The following TMX3 variants were observed in gnomAD, a reference collection of about 807,000 sequenced individuals.
TMX3 encodes thioredoxin related transmembrane protein 3.
In TMX3, 40 loss-of-function variants were observed where a neutral mutation model predicts 64.4. That is an observed-to-expected ratio of 0.62 (90% CI 0.48 to 0.81). TMX3 has a LOEUF of 0.81. TMX3 is among the 30% of genes least tolerant of loss of function. TMX3 has a pLI of 0.00. For missense variants in TMX3, 497 were observed against 534.5 expected (o/e 0.93, Z 0.69); for synonymous variants, 189 against 175.7 (o/e 1.08, Z -0.60).
chr18:68,687,829 T>A (rs534049729), intron 9 of TMX3, 64 bp from the exon 10 acceptor site: 1 of 1,281,822 alleles, frequency 7.8e-7, no homozygotes, highest in African/African-American at 1.5e-5. Context: ...TATAATAGCT[T>A]TAATCTGATA....
chr18:68,709,934 A>G lies in TMX3; in HGVS notation c.265+87T>C, dbSNP rs77518690. The stretch of plus-strand genomic sequence containing the variant: ...TTAATTGAATTTTACATGAGCAAAA[A>G]AAAGTCTTCCTCCCACCCTGAATAC... On this transcript the variant is annotated intron_variant, in intron 4 of 15. Coordinates refer to ENST00000299608, the MANE Select transcript of TMX3 (RefSeq NM_019022.5). 35,626 of 1,329,106 alleles carry G rather than the reference A, an allele frequency of 0.027. 3,329 individuals carry two copies. The African/African-American group carries it at 0.3, about 11-fold the overall frequency. The allele number at this position is 1,329,106 out of a possible 1,614,324, so 82.3% of individuals were successfully genotyped here. A position where few individuals can be genotyped will look rare whatever the true frequency, so the allele number is the denominator to read the frequency against.
chr18:68,705,989 T>C (rs923140855), intron 4 of TMX3, among the ~76,000 whole-genome samples: 1 of 152,252 alleles, frequency 6.6e-6, no homozygotes, highest in African/African-American at 2.4e-5. Context: ...AATAGTCTTA[T>C]CTCACCCCGG....
At chr18:68,682,111 T>C (rs981111795) in intron 13 of TMX3, among the ~76,000 whole-genome samples, 1 of 152,198 alleles carries the variant, frequency 6.6e-6, no homozygotes, top group African/African-American at 2.4e-5. Flanking sequence ...CTGTCCTACA[T>C]AGATCTTTTC....
intron 13 of TMX3, 31 bp from the exon 14 acceptor site, chr18:68,681,141 A>T: frequency 6.6e-7 from 1 of 1,507,650 alleles, no homozygotes. Context: ...CAAAATATAC[A>T]TTAAACACAG....
At chr18:68,700,116 C>A (rs956441309) in intron 6 of TMX3, among the ~76,000 whole-genome samples, 17 of 152,086 alleles carry the variant, frequency 1.1e-4, no homozygotes, top group African/African-American at 3.4e-4. Context: ...AGTTGCTACA[C>A]GTAATCGAAA....
At chr18:68,678,642 G>A (rs545788562) in intron 15 of TMX3, among the ~76,000 whole-genome samples, 8 of 152,126 alleles carry the variant, frequency 5.3e-5, no homozygotes, top group Non-Finnish European at 7.4e-5. Context: ...AGAGTGAAAG[G>A]AAGAGGAAAT....
intron 6 of TMX3, among the ~76,000 whole-genome samples, 180 bp from the exon 7 acceptor site, chr18:68,698,211 C>T (rs1915305646): frequency 6.6e-6 from 1 of 152,138 alleles, no homozygotes; most frequent in South Asian, 2.1e-4. Flanking sequence ...ACTACTATTG[C>T]ACATACATAA....
intron 2 of TMX3, among the ~76,000 whole-genome samples, chr18:68,713,175 C>A (rs887374505): frequency 1.3e-5 from 2 of 152,042 alleles, no homozygotes; most frequent in African/African-American, 4.8e-5. Flanking sequence ...GAGAAAAGGA[C>A]TAGAGTAGAA....
chr18:68,701,160 CA>C, intron 5 of TMX3: 1 of 308,818 alleles, frequency 3.2e-6, no homozygotes, highest in Non-Finnish European at 4.7e-6. Flanking sequence ...AAGGTCGACA[CA>C]AAACCCAATA....
At position 68,681,269 on chromosome 18, in the gene TMX3, G is replaced by A. The variant is rs1280384928; in HGVS notation, c.906-159C>T. The A allele has an allele frequency of 9.3e-6, 6 of 645,866 alleles. No homozygotes were observed. The African/African-American group carries it at 1.1e-4, about 12-fold the overall frequency. 40.0% of individuals were successfully genotyped at this position (645,866 alleles called of 1,614,324 possible). A position where few individuals can be genotyped will look rare whatever the true frequency, so the allele number is the denominator to read the frequency against. ...GATCAAATAGACCTAGTATTTACGT[G>A]TATTTTATGCATTCATGACATACCT... On this transcript the variant is annotated intron_variant, in intron 13 of 15. Coordinates refer to ENST00000299608, the MANE Select transcript of TMX3 (RefSeq NM_019022.5).
At chr18:68,691,013 T>C (rs2145049861) in intron 9 of TMX3, 1 of 325,244 alleles carries the variant, frequency 3.1e-6, no homozygotes, top group South Asian at 1.4e-4. Flanking sequence ...CTGAACATTT[T>C]AAAGTAATGT....
rs781178262 is a variant in TMX3 at position 68,701,602 on chromosome 18, C to T, written c.311+143G>A. ...AAAGCATAAAGAAGCAGTCCCTCTC[C>T]TTTAATTACATACTTCACCTATGAA... On this transcript the variant is annotated intron_variant, in intron 5 of 15. Coordinates refer to ENST00000299608, the MANE Select transcript of TMX3 (RefSeq NM_019022.5). 4.6e-6 allele frequency: 7 copies of T among 1,521,344 alleles called. No individual in the cohort carries two copies. In the South Asian group the frequency reaches 8.4e-5, roughly 18 times the overall value. 94.2% of individuals were successfully genotyped at this position (1,521,344 alleles called of 1,614,324 possible). A position where few individuals can be genotyped will look rare whatever the true frequency, so the allele number is the denominator to read the frequency against.
At chr18:68,693,439 C>T (rs1046131105) in intron 8 of TMX3, among the ~76,000 whole-genome samples, 1 of 152,112 alleles carries the variant, frequency 6.6e-6, no homozygotes, top group Non-Finnish European at 1.5e-5. Context: ...CCCCCACCCC[C>T]CAACCCCTGC....
chr18:68,712,255 G>A (rs2031357184), intron 2 of TMX3, among the ~76,000 whole-genome samples: 1 of 152,180 alleles, frequency 6.6e-6, no homozygotes, highest in Non-Finnish European at 1.5e-5. Context: ...GACAGAATGA[G>A]AGGCCCACCA....
chr18:68,707,203 T>G (rs2145127016), intron 4 of TMX3, among the ~76,000 whole-genome samples: 1 of 152,188 alleles, frequency 6.6e-6, no homozygotes, highest in Non-Finnish European at 1.5e-5. Context: ...ACTTTTTTTT[T>G]TTTTTCAATT....
At chr18:68,699,927 G>C (rs757024466) in intron 6 of TMX3, among the ~76,000 whole-genome samples, 1 of 152,174 alleles carries the variant, frequency 6.6e-6, no homozygotes, top group African/African-American at 2.4e-5. Context: ...GCAGGAAGCA[G>C]TATGTGATAA....
At chr18:68,681,163 A>T in intron 13 of TMX3, 53 bp from the exon 14 acceptor site, 1 of 1,380,774 alleles carries the variant, frequency 7.2e-7, no homozygotes, top group Non-Finnish European at 9.6e-7. Flanking sequence ...AATAGCAAGT[A>T]TTCTGATATT....
intron 8 of TMX3, among the ~76,000 whole-genome samples, chr18:68,693,634 A>G (rs1195621755): frequency 6.6e-6 from 1 of 152,136 alleles, no homozygotes; most frequent in Non-Finnish European, 1.5e-5. Flanking sequence ...GACTTTGGAC[A>G]TTGACAAGCG....
In TMX3 at chr18:68,713,825, AAT is replaced by A. The variant is rs907623978; in HGVS notation, c.101+19_101+20del. On this transcript the variant is annotated intron_variant, in intron 2 of 15. Transcript: ENST00000299608. ...GTTGGACAGTTAAAATAATATTTTA[AAT>A]ATATATATGTATACTCACGATTCAT... is the stretch of plus-strand genomic sequence containing the variant. 7 of 1,216,510 alleles carry A rather than the reference AAT, an allele frequency of 5.8e-6. No homozygotes were observed. The highest frequency in any genetic ancestry group is 7.8e-6 in the Non-Finnish European group (7 of 892,552). The allele number at this position is 1,216,510 out of a possible 1,614,324, so 75.4% of individuals were successfully genotyped here.
Sources: gnomAD v4.1 joint callset for allele counts (sites outside exome capture counted in the v4.1 genomes callset) on GRCh38, gnomAD v4.1.1 for gene constraint, MANE v1.5 for transcripts, NCBI Gene and HGNC (gene_info 2026-07-23, HGNC 2026-07-21) for gene names.